TERT: variants seen among roughly 807,000 people sequenced by gnomAD.
TERT encodes telomerase catalytic subunit.
In TERT, 42 loss-of-function variants were observed where a neutral mutation model predicts 104.0. The ratio of observed to expected loss-of-function variants is 0.40; its 90% CI spans 0.32 to 0.52. The LOEUF is 0.52. TERT is among the 20% of genes least tolerant of loss of function. The pLI is 0.43. For synonymous variants in TERT, 781 were observed against 725.6 expected (o/e 1.08, Z -1.23); for missense variants, 1,101 against 1,610.3 (o/e 0.68, Z 5.41).
intron 2 of TERT, 106 bp downstream of exon 2, chr5:1,293,199 TGTGCCCAC>T: frequency 3.7e-6 from 5 of 1,336,498 alleles, no homozygotes; most frequent in Non-Finnish European, 1.0e-6. Flanking sequence ...AAAAGCCACG[TGTGCCCAC>T]GTGACGATGG....
chr5:1,293,061 G>A (rs954696764), intron 2 of TERT, among the ~76,000 whole-genome samples: 1 of 152,256 alleles, frequency 6.6e-6, no homozygotes, highest in African/African-American at 2.4e-5. Flanking sequence ...TCTGTTCACT[G>A]CTCTGGCCTC....
Position 1,287,525 on chromosome 5 carries a change from A to G in TERT, c.1574-4901T>C, listed in dbSNP as rs977497653. Among the ~76,000 whole-genome samples, 12 of 150,176 alleles carry G rather than the reference A, an allele frequency of 8.0e-5. No homozygotes were observed. The highest frequency in any genetic ancestry group is 2.9e-4 in the African/African-American group (12 of 41,188). On this transcript the variant is annotated intron_variant, in intron 2 of 15. Transcript: ENST00000310581. This position sits in a 1 kb window ranked among gnomAD's most constrained non-coding sequence, Gnocchi z 4.3. ...AAAAAAAAAATATATATATATATAT[A>G]TAAATTAAAGGCAGAAAACAGACAC...
At chr5:1,276,461 C>T (rs1461587547) in intron 6 of TERT, among the ~76,000 whole-genome samples, 1 of 146,262 alleles carries the variant, frequency 6.8e-6, no homozygotes, top group East Asian at 2.1e-4. Flanking sequence ...TCCCCACCTA[C>T]CCCACACATA....
chr5:1,280,472 C>A (rs899814485), intron 3 of TERT, 134 bp from the exon 4 acceptor site: 4 of 994,338 alleles, frequency 4.0e-6, no homozygotes, highest in Non-Finnish European at 6.1e-6. Flanking sequence ...GAAGGCCATG[C>A]CCGGGGCCAC....
Position 1,292,971 on chromosome 5 carries a change from C to T in TERT, c.1573+342G>A, listed in dbSNP as rs1477062027. Among the ~76,000 whole-genome samples the T allele has an allele frequency of 1.3e-5, 2 of 152,226 alleles. No homozygotes were observed. The highest frequency in any genetic ancestry group is 2.9e-5 in the Non-Finnish European group (2 of 68,042). On this transcript the variant is annotated intron_variant, in intron 2 of 15. Coordinates refer to ENST00000310581, the MANE Select transcript of TERT (RefSeq NM_198253.3). The surrounding 1 kb of genome is among the most constrained non-coding windows in gnomAD (Gnocchi z 5.5). ...AAGAGGATTATAGGTAACCTGCAGG[C>T]ACCCTCGCCAGAGCGTCTGTGCTTC...
chr5:1,259,307 ACGCAGATGCC>A (rs1748008997), intron 12 of TERT, among the ~76,000 whole-genome samples: 3 of 129,456 alleles, frequency 2.3e-5, no homozygotes, highest in East Asian at 2.7e-4. Flanking sequence ...GAGGGAGTGG[ACGCAGATGCC>A]CACAGGAGAG....
Position 1,270,594 on chromosome 5 carries a change from C to T in TERT, c.2468+525G>A, listed in dbSNP as rs933955501. ...TGCCCCATGGCCACCACAGGCCCCC[C>T]GAGAGGAGCAAACTACACGGTCAAC... On this transcript the variant is annotated intron_variant, in intron 8 of 15. Transcript: ENST00000310581. This position sits in a 1 kb window ranked among gnomAD's most constrained non-coding sequence, Gnocchi z 8.3. Among the ~76,000 whole-genome samples the T allele has an allele frequency of 6.6e-5, 10 of 152,206 alleles. No individual in the cohort carries two copies. The highest frequency in any genetic ancestry group is 2.4e-4 in the African/African-American group (10 of 41,454).
At chr5:1,271,264 C>A in intron 7 of TERT, 60 bp from the exon 8 acceptor site, 1 of 1,263,758 alleles carries the variant, frequency 7.9e-7, no homozygotes, top group East Asian at 2.3e-5. Flanking sequence ...ACAGGCAGGA[C>A]CACGTGGCCA....
chr5:1,258,709 T>G, intron 12 of TERT, 50 bp from the exon 13 acceptor site: 4 of 1,490,634 alleles, frequency 2.7e-6, no homozygotes, highest in Non-Finnish European at 2.7e-6. Flanking sequence ...CTCTGGGATT[T>G]TAAGTTTTTA....
chr5:1,254,737 C>T (rs1290915125), intron 14 of TERT, among the ~76,000 whole-genome samples: 2 of 152,236 alleles, frequency 1.3e-5, no homozygotes, highest in South Asian at 2.1e-4. Flanking sequence ...ACCGCAGGTT[C>T]GACATGGCTT....
chr5:1,293,477 C>G lies in TERT; in HGVS notation c.1409G>C (p.Arg470Pro). Residue 470 changes from arginine (R) to proline (P), a missense_variant, in exon 2 of 16, where the codon CGC (arginine) becomes CCC (proline). Arg to Pro is a moderately radical substitution (Grantham distance 103). Transcript: ENST00000310581. ...QVYGFVRACL[R>P]RLVPPGLWGS... ...CCAGAGGCCTGGGGGCACCAGCCGG[C>G]GCAGGCAGGCCCGCACGAAGCCGTA... 1 of 1,603,782 alleles carries G rather than the reference C, an allele frequency of 6.2e-7. No individual in the cohort carries two copies. Among genetic ancestry groups the G allele is most frequent in the Non-Finnish European group, 8.5e-7 (1 of 1,175,940 alleles).
At position 1,272,223 on chromosome 5, in the gene TERT, C is replaced by A; in HGVS notation, c.2344G>T (p.Glu782Ter). 1 of 1,612,920 alleles carries A rather than the reference C, an allele frequency of 6.2e-7. No individual in the cohort carries two copies. Among genetic ancestry groups the A allele is most frequent in the Non-Finnish European group, 8.5e-7 (1 of 1,179,902 alleles). Residue 782 changes from glutamate (E) to a stop codon, truncating the protein, a stop_gained, in exon 7 of 16, where the codon GAG becomes TAG. Transcript: ENST00000310581. LOFTEE classifies it high-confidence loss of function. ...YMRQFVAHLQ[E>*]TSPLRDAVVI... ...ACGGCATCCCTCAGCGGGCTGGTCT[C>A]CTGCAGGTGAGCCACGAACTGTCGC...
chr5:1,268,725 T>C lies in TERT; in HGVS notation c.2469-92A>G, dbSNP rs897272953. ...AGCCACACACAGACACAGAACCTCA[T>C]ACACACAAACGACACGTCTACCATT... is the stretch of plus-strand genomic sequence containing the variant. On this transcript the variant is annotated intron_variant, in intron 8 of 15. Transcript: ENST00000310581. The surrounding 1 kb of genome is among the most constrained non-coding windows in gnomAD (Gnocchi z 5.5). 2.4e-6 allele frequency: 2 copies of C among 825,664 alleles called. No homozygotes were observed. The highest frequency in any genetic ancestry group is 2.6e-5 in the East Asian group (1 of 37,934). 51.1% of individuals were successfully genotyped at this position (825,664 alleles called of 1,614,324 possible). A position where few individuals can be genotyped will look rare whatever the true frequency, so the allele number is the denominator to read the frequency against.
rs771462451 is a variant in TERT at position 1,288,148 on chromosome 5, C to T, written c.1573+5165G>A. ...AAAATGATTTCACGTCAAAACACAG[C>T]GTGCACAAAGAAAAAAATCACAGAA... is the stretch of plus-strand genomic sequence containing the variant. On this transcript the variant is annotated intron_variant, in intron 2 of 15. Coordinates refer to ENST00000310581, the MANE Select transcript of TERT (RefSeq NM_198253.3). The surrounding 1 kb of genome is among the most constrained non-coding windows in gnomAD (Gnocchi z 5.3). Among the ~76,000 whole-genome samples, 4 of 152,058 alleles carry T rather than the reference C, an allele frequency of 2.6e-5. No individual in the cohort carries two copies. The highest frequency in any genetic ancestry group is 1.9e-4 in the East Asian group (1 of 5,180).
Position 1,253,389 on chromosome 5 carries a change from A to G in TERT, c.*339T>C, listed in dbSNP as rs920370048. The G allele has an allele frequency of 3.8e-5, 18 of 467,856 alleles. No individual in the cohort carries two copies. The East Asian group carries it at 5.6e-4, about 15-fold the overall frequency. 29.0% of individuals were successfully genotyped at this position (467,856 alleles called of 1,614,324 possible). A position where few individuals can be genotyped will look rare whatever the true frequency, so the allele number is the denominator to read the frequency against. On this transcript the variant is annotated 3_prime_UTR_variant, in exon 16 of 16. Coordinates refer to ENST00000310581, the MANE Select transcript of TERT (RefSeq NM_198253.3). ...AGGAGGGCAGGGCGAGGGGTGAACA[A>G]TGGCGAATCTGGGGATGGACTATTC...
Position 1,256,607 on chromosome 5 carries a change from T to G in TERT, c.3033-1196A>C, listed in dbSNP as rs1747756300. On this transcript the variant is annotated intron_variant, in intron 13 of 15. Coordinates refer to ENST00000310581, the MANE Select transcript of TERT (RefSeq NM_198253.3). This position sits in a 1 kb window ranked among gnomAD's most constrained non-coding sequence, Gnocchi z 7.0. Reference sequence around the variant, plus strand: ...TCTCACTGACTTCCTGAGCCACTTCTGGAATGACCTGAGATCACACCAGTC... The same window carrying G: ...TCTCACTGACTTCCTGAGCCACTTCGGGAATGACCTGAGATCACACCAGTC... 1.3e-5 allele frequency among the ~76,000 whole-genome samples: 2 copies of G among 152,104 alleles called. No homozygotes were observed.
chr5:1,292,321 G>T lies in TERT; in HGVS notation c.1573+992C>A, dbSNP rs1259729454. 6.6e-6 allele frequency among the ~76,000 whole-genome samples: 1 copy of T among 151,924 alleles called. No homozygotes were observed. The highest frequency in any genetic ancestry group is 1.5e-5 in the Non-Finnish European group (1 of 67,966). On this transcript the variant is annotated intron_variant, in intron 2 of 15. Transcript: ENST00000310581. The surrounding 1 kb of genome is among the most constrained non-coding windows in gnomAD (Gnocchi z 5.5). Reference sequence around the variant, plus strand: ...CTCAACATCAAATCCAGAAAAACAGGGTGGGGACACGGCAGGGCCCAGCAG... The same window carrying T: ...CTCAACATCAAATCCAGAAAAACAGTGTGGGGACACGGCAGGGCCCAGCAG...
chr5:1,294,398 G>C lies in TERT; in HGVS notation c.488C>G (p.Ala163Gly). The C allele has an allele frequency of 6.3e-7, 1 of 1,584,786 alleles. No homozygotes were observed. Among genetic ancestry groups the C allele is most frequent in the Non-Finnish European group, 8.5e-7 (1 of 1,173,560 alleles). The part of the protein sequence containing the change: ...LARCALFVLV[A>G]PSCAYQVCGP... ...GCACACCTGGTAGGCGCAGCTGGGA[G>C]CCACCAGCACAAAGAGCGCGCAGCG... Residue 163 changes from alanine (A) to glycine (G), a missense_variant, in exon 2 of 16, where the codon GCT becomes GGT. This residue lies in a region of TERT where 47 missense variants were observed against 105.3 expected (regional missense o/e 0.45). Coordinates refer to ENST00000310581, the MANE Select transcript of TERT (RefSeq NM_198253.3).
chr5:1,255,523 G>A lies in TERT; in HGVS notation c.3033-112C>T. On this transcript the variant is annotated intron_variant, in intron 13 of 15. Coordinates refer to ENST00000310581, the MANE Select transcript of TERT (RefSeq NM_198253.3). This position sits in a 1 kb window ranked among gnomAD's most constrained non-coding sequence, Gnocchi z 6.9. The stretch of plus-strand genomic sequence containing the variant: ...GTGCGTGCATGAATGCACATGCATG[G>A]GTTTCCTCATGGGCACAGGTGCACA... 7.2e-7 allele frequency: 1 copy of A among 1,391,892 alleles called. No individual in the cohort carries two copies. The highest frequency in any genetic ancestry group is 1.0e-6 in the Non-Finnish European group (1 of 990,404). 86.2% of individuals were successfully genotyped at this position (1,391,892 alleles called of 1,614,324 possible). A position where few individuals can be genotyped will look rare whatever the true frequency, so the allele number is the denominator to read the frequency against.
Sources: gnomAD v4.1 joint callset for allele counts (sites outside exome capture counted in the v4.1 genomes callset) on GRCh38, gnomAD v4.1.1 for gene constraint, gnomAD v4.1.1 regional missense constraint, Gnocchi (gnomAD v3.1) non-coding constraint, MANE v1.5 for transcripts, NCBI Gene and HGNC (gene_info 2026-07-23, HGNC 2026-07-21) for gene names.